The following TESPA1 variants were observed in gnomAD, a reference collection of about 807,000 sequenced individuals.
TESPA1 encodes thymocyte expressed, positive selection associated 1, also known as protein TESPA1.
In TESPA1, 33 loss-of-function variants were observed where a neutral mutation model predicts 57.9. The observed-to-expected ratio is 0.57, with a 90% CI of 0.43 to 0.76. TESPA1 has a LOEUF of 0.76. Among genes scored for constraint, TESPA1 ranks in the 30% least tolerant of loss-of-function variants. The pLI is 0.00. For synonymous variants in TESPA1, 227 were observed against 228.9 expected (o/e 0.99, Z 0.07); for missense variants, 618 against 632.9 (o/e 0.98, Z 0.25).
rs189751491 is a variant in TESPA1, at chr12:54,950,418, T to G, written c.*2-28A>C. The G allele has an allele frequency of 1.5e-3, 638 of 438,372 alleles. 5 individuals carry two copies. Among genetic ancestry groups the G allele is most frequent in the African/African-American group, 0.012 (584 of 49,252 alleles). The allele number at this position is 438,372 out of a possible 1,614,324, so 27.2% of individuals were successfully genotyped here. On this transcript the variant is annotated intron_variant, in intron 10 of 10. Transcript: ENST00000449076. ...GCAATGGGAATAAAAAAGATACATA[T>G]CATGCATTTTTTAAACAACTTTGGG...
chr12:54,971,412 A>G (rs1032801235), intron 3 of TESPA1, among the ~76,000 whole-genome samples: 1 of 152,218 alleles, frequency 6.6e-6, no homozygotes, highest in African/African-American at 2.4e-5. Flanking sequence ...ACTATCAATC[A>G]TTGTCATTAT....
At chr12:54,966,032 C>G (rs762356805) in intron 7 of TESPA1, 21 bp downstream of exon 7, 9 of 1,557,314 alleles carry the variant, frequency 5.8e-6, no homozygotes, top group Non-Finnish European at 7.8e-6. Context: ...CCCTTCCACC[C>G]TGCCAAACTT....
At chr12:54,965,801 A>G (rs924689876) in intron 7 of TESPA1, among the ~76,000 whole-genome samples, 2 of 152,212 alleles carry the variant, frequency 1.3e-5, no homozygotes, top group South Asian at 2.1e-4. Context: ...TACCAGTACT[A>G]TACCTCCTGG....
At chr12:54,952,181 C>T (rs762983561) in intron 10 of TESPA1, among the ~76,000 whole-genome samples, 3 of 152,146 alleles carry the variant, frequency 2.0e-5, no homozygotes, top group South Asian at 4.1e-4. Context: ...GCTTTTTTAC[C>T]ATGTGATATC....
Position 54,974,563 on chromosome 12 carries a change from G to T in TESPA1, c.-1C>A, listed in dbSNP as rs780878368. The T allele has an allele frequency of 5.7e-6, 9 of 1,574,794 alleles. No homozygotes were observed. The South Asian group carries it at 7.0e-5, about 12-fold the overall frequency. On this transcript the variant is annotated 5_prime_UTR_variant, in exon 2 of 11. Coordinates refer to ENST00000449076, the MANE Select transcript of TESPA1 (RefSeq NM_001136030.3). The stretch of plus-strand genomic sequence containing the variant: ...TGGGGCTCAGCACAGAGGCCTCCAT[G>T]GCCCTGGCTCAGACTTCAGGGCCTC...
chr12:54,967,100 G>A, intron 5 of TESPA1, 83 bp downstream of exon 5: 1 of 1,505,816 alleles, frequency 6.6e-7, no homozygotes, highest in Non-Finnish European at 9.1e-7. Context: ...TCTTTCTGAA[G>A]TTTTGCACTT....
At chr12:54,955,691 A>G (rs1053090115) in intron 10 of TESPA1, among the ~76,000 whole-genome samples, 2 of 152,246 alleles carry the variant, frequency 1.3e-5, no homozygotes, top group Admixed American at 6.5e-5. Flanking sequence ...GATGTTCTGT[A>G]ATACATATCA....
intron 1 of TESPA1, 51 bp from the exon 2 acceptor site, chr12:54,974,658 C>A: frequency 7.6e-7 from 1 of 1,311,112 alleles, no homozygotes; most frequent in Admixed American, 3.4e-5. Flanking sequence ...CAGAAACCAT[C>A]ATGATGCTCA....
At chr12:54,969,046 T>TATATATATAATATATATAC (rs71070858) in intron 3 of TESPA1, among the ~76,000 whole-genome samples, 3 of 124,482 alleles carry the variant, frequency 2.4e-5, no homozygotes, top group South Asian at 6.5e-4. Context: ...TATATATATA[T>TATATATATAATATATATAC]GTGTGTGTGT....
Position 54,963,154 on chromosome 12 carries a change from C to CT in TESPA1, c.743dup (p.Phe249ValfsTer15). ...TCCAGAACATGTGGGATGGTGTGAA[C>CT]TTTTGGACAGGTGTCTTAGACACAT... On this transcript the variant is annotated frameshift_variant, in exon 9 of 11. Transcript: ENST00000449076. LOFTEE classifies it high-confidence loss of function. 1.2e-6 allele frequency: 2 copies of CT among 1,613,868 alleles called. No homozygotes were observed. Among genetic ancestry groups the CT allele is most frequent in the Non-Finnish European group, 1.7e-6 (2 of 1,179,884 alleles).
At chr12:54,971,938 T>G (rs1208916882) in intron 3 of TESPA1, among the ~76,000 whole-genome samples, 1 of 152,148 alleles carries the variant, frequency 6.6e-6, no homozygotes, top group Non-Finnish European at 1.5e-5. Context: ...TCCTCCTTTA[T>G]AAAACTCACC....
At chr12:54,952,493 C>T (rs1201939504) in intron 10 of TESPA1, among the ~76,000 whole-genome samples, 1 of 152,200 alleles carries the variant, frequency 6.6e-6, no homozygotes, top group Non-Finnish European at 1.5e-5. Flanking sequence ...ATTTACACTG[C>T]TATTTTATAG....
rs964261062 is a variant in TESPA1, at chr12:54,976,734, C to T, written c.-45-2127G>A. 2.0e-5 allele frequency among the ~76,000 whole-genome samples: 3 copies of T among 152,186 alleles called. No individual in the cohort carries two copies. In the South Asian group the frequency reaches 6.2e-4, roughly 32 times the overall value. On this transcript the variant is annotated intron_variant, in intron 1 of 10. Coordinates refer to ENST00000449076, the MANE Select transcript of TESPA1 (RefSeq NM_001136030.3). Reference sequence around the variant, plus strand: ...TGGATGTGCTATTTTATGTCAAGCCCCTATACTGCCTAGCACAATTCCAGA... The same window carrying T: ...TGGATGTGCTATTTTATGTCAAGCCTCTATACTGCCTAGCACAATTCCAGA...
Position 54,974,574 on chromosome 12 carries a change from A to G in TESPA1, c.-12T>C. 1 of 1,556,464 alleles carries G rather than the reference A, an allele frequency of 6.4e-7. No homozygotes were observed. Among genetic ancestry groups the G allele is most frequent in the Non-Finnish European group, 8.7e-7 (1 of 1,150,030 alleles). On this transcript the variant is annotated 5_prime_UTR_variant, in exon 2 of 11. It removes the in-frame stop codon of an upstream open reading frame in the 5' UTR. Coordinates refer to ENST00000449076, the MANE Select transcript of TESPA1 (RefSeq NM_001136030.3). ...ACAGAGGCCTCCATGGCCCTGGCTC[A>G]GACTTCAGGGCCTCCCGTAACAGTA...
chr12:54,969,983 G>A (rs1158252320), intron 3 of TESPA1, among the ~76,000 whole-genome samples: 3 of 152,282 alleles, frequency 2.0e-5, no homozygotes, highest in African/African-American at 2.4e-5. Flanking sequence ...CCAGGTTGGA[G>A]CACAGTGAGA....
intron 7 of TESPA1, 39 bp from the exon 8 acceptor site, chr12:54,963,989 G>T (rs1385136214): frequency 1.3e-6 from 2 of 1,580,030 alleles, no homozygotes; most frequent in East Asian, 4.5e-5. Flanking sequence ...GGACAACTTT[G>T]AGACACATGG....
chr12:54,980,828 A>C (rs546598750), intron 1 of TESPA1, among the ~76,000 whole-genome samples: 1 of 152,368 alleles, frequency 6.6e-6, no homozygotes, highest in South Asian at 2.1e-4. Context: ...TTAGAAATTA[A>C]AGAAAAGGAA....
At chr12:54,951,359 A>G (rs550053526) in intron 10 of TESPA1, among the ~76,000 whole-genome samples, 89 of 152,272 alleles carry the variant, frequency 5.8e-4, no homozygotes, top group African/African-American at 2.1e-3. Context: ...CCTCCTGCAC[A>G]GCCTGTGGAA....
Position 54,963,244 on chromosome 12 carries a change from T to C in TESPA1, c.656-2A>G. The C allele has an allele frequency of 1.2e-6, 2 of 1,607,792 alleles. No individual in the cohort carries two copies. Among genetic ancestry groups the C allele is most frequent in the Non-Finnish European group, 1.7e-6 (2 of 1,177,248 alleles). Reference sequence around the variant, plus strand: ...GTGTTTGCACCTGCTTAAACCTGCCTGGGTACAAGAGTTAAAGATGGTAAG... The same window carrying C: ...GTGTTTGCACCTGCTTAAACCTGCCCGGGTACAAGAGTTAAAGATGGTAAG... On this transcript the variant is annotated splice_acceptor_variant, in intron 8 of 10. Transcript: ENST00000449076. LOFTEE classifies it high-confidence loss of function.
Sources: gnomAD v4.1 joint callset for allele counts (sites outside exome capture counted in the v4.1 genomes callset) on GRCh38, gnomAD v4.1.1 for gene constraint, MANE v1.5 for transcripts, NCBI Gene and HGNC (gene_info 2026-07-23, HGNC 2026-07-21) for gene names.